The following ST6GALNAC3 variants were observed in gnomAD, a reference collection of about 807,000 sequenced individuals.
ST6GALNAC3 encodes the protein ST6 N-acetylgalactosaminide alpha-2,6-sialyltransferase 3.
In ST6GALNAC3, 25 loss-of-function variants were observed where a neutral mutation model predicts 32.7. The observed-to-expected ratio is 0.76, with a 90% CI of 0.56 to 1.07. ST6GALNAC3 has a LOEUF of 1.07. Among genes scored for constraint, ST6GALNAC3 ranks in the 50% least tolerant of loss-of-function variants. The probability of loss-of-function intolerance (pLI) is 0.00; values close to 1 mark genes in which losing one functional copy is unlikely to be tolerated. For synonymous variants in ST6GALNAC3, 129 were observed against 133.1 expected, an observed-to-expected ratio of 0.97 and a Z score of 0.21; for missense variants, 355 against 382.4, an observed-to-expected ratio of 0.93 and a Z score of 0.60.
chr1:76,630,014 CT>C lies in ST6GALNAC3; in HGVS notation c.*1211del. ...AATAATGTTCTTAATGTCCAAAGTG[CT>C]TTGTCATTTAGAGTCCTTTAACATC... is the stretch of plus-strand genomic sequence containing the variant. On this transcript the variant is annotated 3_prime_UTR_variant, in exon 5 of 5. Coordinates refer to ENST00000328299, the MANE Select transcript of ST6GALNAC3 (RefSeq NM_152996.4). The C allele has an allele frequency of 1.0e-6, 1 of 985,106 alleles. No individual in the cohort carries two copies. The highest frequency in any genetic ancestry group is 1.2e-6 in the Non-Finnish European group (1 of 829,798). 61.0% of individuals were successfully genotyped at this position (985,106 alleles called of 1,614,324 possible).
chr1:76,306,027 T>C, intron 1 of ST6GALNAC3: 1 of 434,452 alleles, frequency 2.3e-6, no homozygotes, highest in Non-Finnish European at 4.6e-6. Context: ...CAGCCTTAGG[T>C]AGATTTTGTA....
chr1:76,337,337 G>A (rs1570879046), intron 2 of ST6GALNAC3, among the ~76,000 whole-genome samples: 2 of 152,310 alleles, frequency 1.3e-5, no homozygotes, highest in Admixed American at 6.5e-5. Flanking sequence ...CCAGATGTGC[G>A]AGCTAGCAAA....
intron 3 of ST6GALNAC3, among the ~76,000 whole-genome samples, chr1:76,465,011 G>A (rs1003165483): frequency 3.3e-5 from 5 of 152,018 alleles, no homozygotes; most frequent in African/African-American, 4.8e-5. Flanking sequence ...AAAATCAGGC[G>A]TTCTATAAAT....
intron 1 of ST6GALNAC3, among the ~76,000 whole-genome samples, chr1:76,103,924 A>G (rs938699420): frequency 6.6e-6 from 1 of 152,182 alleles, no homozygotes; most frequent in Admixed American, 6.5e-5. Context: ...ATAATGTATT[A>G]TTTGCTCCTT....
intron 1 of ST6GALNAC3, among the ~76,000 whole-genome samples, chr1:76,159,187 C>T (rs954591545): frequency 6.7e-6 from 1 of 149,616 alleles, no homozygotes; most frequent in African/African-American, 2.4e-5. Context: ...CTTTCCTTTT[C>T]TCTTTTCTTT....
intron 1 of ST6GALNAC3, among the ~76,000 whole-genome samples, chr1:76,305,299 A>T (rs1289899616): frequency 2.0e-5 from 3 of 152,112 alleles, no homozygotes. Context: ...TCACTTTGGG[A>T]TAATGAACAG....
chr1:76,593,028 A>T (rs1647075051), intron 3 of ST6GALNAC3, among the ~76,000 whole-genome samples: 1 of 152,116 alleles, frequency 6.6e-6, no homozygotes, highest in African/African-American at 2.4e-5. Flanking sequence ...ATATGCACTC[A>T]CAGTTGCTAA....
chr1:76,545,845 G>A, intron 3 of ST6GALNAC3, among the ~76,000 whole-genome samples: 1 of 152,054 alleles, frequency 6.6e-6, no homozygotes, highest in Middle Eastern at 3.2e-3. Flanking sequence ...TTTTAGTAGA[G>A]ACAGGGTTTC....
chr1:76,243,535 T>C (rs1657084869), intron 1 of ST6GALNAC3, among the ~76,000 whole-genome samples: 1 of 152,244 alleles, frequency 6.6e-6, no homozygotes, highest in Non-Finnish European at 1.5e-5. Context: ...CCCATGCCTA[T>C]GTCCTGAATG....
intron 2 of ST6GALNAC3, among the ~76,000 whole-genome samples, chr1:76,378,805 T>G (rs1651465692): frequency 6.6e-6 from 1 of 152,124 alleles, no homozygotes; most frequent in Admixed American, 6.5e-5. Flanking sequence ...TAGGGTGGTG[T>G]TTTTTTGTTG....
intron 3 of ST6GALNAC3, among the ~76,000 whole-genome samples, chr1:76,604,414 A>G (rs1241696297): frequency 6.6e-6 from 1 of 152,196 alleles, no homozygotes; most frequent in East Asian, 1.9e-4. Context: ...TCTCTATGAG[A>G]GATGTAGAGA....
chr1:76,616,381 A>G (rs1447272874), intron 3 of ST6GALNAC3, among the ~76,000 whole-genome samples: 1 of 152,198 alleles, frequency 6.6e-6, no homozygotes, highest in Non-Finnish European at 1.5e-5. Flanking sequence ...CTTAATGGGC[A>G]ATCAGCTTAT....
At chr1:76,296,585 T>G (rs1660418083) in intron 1 of ST6GALNAC3, among the ~76,000 whole-genome samples, 1 of 152,092 alleles carries the variant, frequency 6.6e-6, no homozygotes, top group Admixed American at 6.6e-5. Context: ...CAGACCATGC[T>G]TTATCTTAGA....
At chr1:76,203,994 G>T (rs926914349) in intron 1 of ST6GALNAC3, among the ~76,000 whole-genome samples, 5 of 151,910 alleles carry the variant, frequency 3.3e-5, no homozygotes, top group Admixed American at 6.6e-5. Context: ...TATCAAACAG[G>T]GTGTTTAATC....
chr1:76,619,826 C>G (rs1053775482), intron 3 of ST6GALNAC3, among the ~76,000 whole-genome samples: 1 of 152,058 alleles, frequency 6.6e-6, no homozygotes, highest in African/African-American at 2.4e-5. Context: ...AGTACAACAT[C>G]ACAGGCCATT....
At chr1:76,146,744 G>T (rs957323324) in intron 1 of ST6GALNAC3, among the ~76,000 whole-genome samples, 1 of 152,170 alleles carries the variant, frequency 6.6e-6, no homozygotes, top group Admixed American at 6.5e-5. Context: ...TATTAATTTA[G>T]ACAGTTAAAT....
intron 3 of ST6GALNAC3, among the ~76,000 whole-genome samples, chr1:76,418,440 G>A (rs771614331): frequency 2.0e-5 from 3 of 152,002 alleles, no homozygotes; most frequent in Non-Finnish European, 2.9e-5. Context: ...TCTTAGAGTC[G>A]CCATGGGGTA....
chr1:76,112,253 C>G (rs1183480536), intron 1 of ST6GALNAC3, among the ~76,000 whole-genome samples: 1 of 141,738 alleles, frequency 7.1e-6, no homozygotes, highest in African/African-American at 2.7e-5. Context: ...GCTGACCCCC[C>G]CACCTCCTTC....
At chr1:76,362,435 T>C (rs996690441) in intron 2 of ST6GALNAC3, among the ~76,000 whole-genome samples, 20 of 152,128 alleles carry the variant, frequency 1.3e-4, no homozygotes, top group Admixed American at 1.1e-3. Context: ...CCTTTTCACA[T>C]TGAAAAATAC....
Sources: allele counts gnomAD v4.1 joint callset (sites outside exome capture counted in the v4.1 genomes callset), GRCh38; gene constraint gnomAD v4.1.1; transcripts MANE v1.5; gene names NCBI Gene and HGNC (gene_info 2026-07-23, HGNC 2026-07-21).